RNLS: variants seen among roughly 807,000 people sequenced by gnomAD.
The protein encoded by RNLS is renalase.
In RNLS, 39 loss-of-function variants were observed where a neutral mutation model predicts 39.8. The ratio of observed to expected loss-of-function variants is 0.98; its 90% confidence interval spans 0.76 to 1.28. RNLS has a LOEUF of 1.28. Among genes scored for constraint, RNLS ranks in the 50% most tolerant of loss-of-function variants. RNLS has a pLI of 0.00. For missense variants in RNLS, 410 were observed against 413.3 expected, an observed-to-expected ratio of 0.99 and a Z score of 0.07; for synonymous variants, 147 against 150.7, an observed-to-expected ratio of 0.98 and a Z score of 0.18.
chr10:88,473,522 T>G (rs1324032662), intron 4 of RNLS, among the ~76,000 whole-genome samples: 2 of 152,130 alleles, frequency 1.3e-5, no homozygotes, highest in Non-Finnish European at 2.9e-5. Flanking sequence ...AAGTGTACAG[T>G]CCAGGTATGC....
rs376084407 is a variant in RNLS at position 88,502,159 on chromosome 10, G to T, written c.526+70744C>A. On this transcript the variant is annotated intron_variant, in intron 4 of 6. Transcript: ENST00000331772. ...CCCAGGGGTACTTGTTTAAAATGCA[G>T]ATTTCTTTATTCTATCCAAATATTC... Among the ~76,000 whole-genome samples, 194 of 152,100 alleles carry T rather than the reference G, an allele frequency of 1.3e-3. 2 individuals carry two copies. In the South Asian group the frequency reaches 0.039, roughly 31 times the overall value.
intron 4 of RNLS, among the ~76,000 whole-genome samples, chr10:88,551,009 G>A (rs1404795243): frequency 1.3e-5 from 2 of 152,122 alleles, no homozygotes; most frequent in Non-Finnish European, 2.9e-5. Flanking sequence ...TTTTTCCAAA[G>A]AAAATACACA....
At chr10:88,476,015 G>T (rs1478242135) in intron 4 of RNLS, among the ~76,000 whole-genome samples, 1 of 152,094 alleles carries the variant, frequency 6.6e-6, no homozygotes, top group Non-Finnish European at 1.5e-5. Flanking sequence ...AAATCCAGGG[G>T]TTTATGATTC....
chr10:88,218,078 C>T, the RNLS span, among the ~76,000 whole-genome samples: 9 of 152,090 alleles, frequency 5.9e-5, no homozygotes, highest in Non-Finnish European at 1.0e-4. Flanking sequence ...AAAAGACTCC[C>T]GATTTTCTGG....
At chr10:88,239,634 T>C in the RNLS span, among the ~76,000 whole-genome samples, 6 of 152,256 alleles carry the variant, frequency 3.9e-5, no homozygotes, top group South Asian at 2.1e-4. Flanking sequence ...ATTACCACTT[T>C]GGTAGTGGCC....
At chr10:88,440,480 T>C (rs765694111) in intron 4 of RNLS, among the ~76,000 whole-genome samples, 1 of 152,228 alleles carries the variant, frequency 6.6e-6, no homozygotes, top group Non-Finnish European at 1.5e-5. Flanking sequence ...ATAATAATGA[T>C]ATAAATTATC....
At chr10:88,356,675 A>G (rs1849215029) in intron 5 of RNLS, among the ~76,000 whole-genome samples, 1 of 152,256 alleles carries the variant, frequency 6.6e-6, no homozygotes, top group South Asian at 2.1e-4. Context: ...CTATGAATAC[A>G]TTCTAAGTTT....
intron 6 of RNLS, among the ~76,000 whole-genome samples, chr10:88,311,431 G>T (rs1198117757): frequency 6.6e-6 from 1 of 152,138 alleles, no homozygotes; most frequent in Non-Finnish European, 1.5e-5. Flanking sequence ...AATTATGGAA[G>T]GCAAATAGCT....
At chr10:88,547,144 C>T (rs1039771376) in intron 4 of RNLS, among the ~76,000 whole-genome samples, 7 of 152,196 alleles carry the variant, frequency 4.6e-5, no homozygotes, top group Admixed American at 4.6e-4. Flanking sequence ...TTGCGATAAT[C>T]TTCAGAGATG....
At chr10:88,327,673 T>C (rs1011903807) in intron 5 of RNLS, among the ~76,000 whole-genome samples, 2 of 152,216 alleles carry the variant, frequency 1.3e-5, no homozygotes, top group African/African-American at 4.8e-5. Context: ...GCCTCATATA[T>C]AGTCAGTTCT....
At chr10:88,212,721 C>A in the RNLS span, among the ~76,000 whole-genome samples, 1 of 152,146 alleles carries the variant, frequency 6.6e-6, no homozygotes, top group South Asian at 2.1e-4. Context: ...CACCTTAGCA[C>A]CTGGTACCCA....
At chr10:88,313,191 TAAG>T (rs1036166344) in intron 6 of RNLS, among the ~76,000 whole-genome samples, 7 of 152,304 alleles carry the variant, frequency 4.6e-5, no homozygotes, top group Admixed American at 4.6e-4. Context: ...TTTTAAGAAA[TAAG>T]TAGATTTTAA....
At chr10:88,405,252 G>A (rs192189884) in intron 4 of RNLS, among the ~76,000 whole-genome samples, 4 of 152,008 alleles carry the variant, frequency 2.6e-5, no homozygotes, top group East Asian at 3.9e-4. Context: ...GATACAATTC[G>A]GGCAGATGTA....
intron 4 of RNLS, among the ~76,000 whole-genome samples, chr10:88,434,391 G>A (rs1310031615): frequency 1.3e-5 from 2 of 152,150 alleles, no homozygotes; most frequent in African/African-American, 4.8e-5. Flanking sequence ...GGAAATTTGA[G>A]CTCTACTTTG....
At chr10:88,494,694 T>C (rs564273591) in intron 4 of RNLS, among the ~76,000 whole-genome samples, 1 of 152,274 alleles carries the variant, frequency 6.6e-6, no homozygotes, top group African/African-American at 2.4e-5. Context: ...GGATTAGAGT[T>C]GGGCCTAGAG....
the RNLS span, among the ~76,000 whole-genome samples, chr10:88,204,274 T>G: frequency 6.6e-6 from 1 of 152,086 alleles, no homozygotes; most frequent in Non-Finnish European, 1.5e-5. Context: ...CCCTGTGCCT[T>G]GAATGTACAG....
At chr10:88,573,474 A>G (rs563114588) in intron 3 of RNLS, among the ~76,000 whole-genome samples, 1 of 152,314 alleles carries the variant, frequency 6.6e-6, no homozygotes, top group Admixed American at 6.5e-5. Context: ...TTTTTGCAGA[A>G]CAAGTATACA....
intron 4 of RNLS, among the ~76,000 whole-genome samples, chr10:88,567,181 C>A (rs1204645402): frequency 6.6e-6 from 1 of 151,840 alleles, no homozygotes; most frequent in Non-Finnish European, 1.5e-5. Context: ...CACAAAAAAA[C>A]CCAGGAAAGA....
chr10:88,459,320 T>C (rs1038343455), intron 4 of RNLS, among the ~76,000 whole-genome samples: 1 of 152,126 alleles, frequency 6.6e-6, no homozygotes, highest in African/African-American at 2.4e-5. Context: ...TATTCTGGTG[T>C]GCACAGTGAT....
Sources: gnomAD v4.1 joint callset for allele counts (sites outside exome capture counted in the v4.1 genomes callset) on GRCh38, gnomAD v4.1.1 for gene constraint, MANE v1.5 for transcripts, NCBI Gene and HGNC (gene_info 2026-07-23, HGNC 2026-07-21) for gene names.